Variants in AGBL4 observed in about 807,000 individuals in gnomAD.
AGBL4 encodes cytosolic carboxypeptidase 6.
AGBL4 carries 58 observed loss-of-function variants against 66.4 expected under a neutral mutation model. The ratio of observed to expected loss-of-function variants is 0.87; its 90% CI spans 0.71 to 1.09. The LOEUF is 1.09. Among genes scored for constraint, AGBL4 ranks in the 50% least tolerant of loss-of-function variants. AGBL4 has a pLI of 0.00. For synonymous variants in AGBL4, 234 were observed against 222.9 expected, an observed-to-expected ratio of 1.05 and a Z score of -0.44; for missense variants, 579 against 631.0, an observed-to-expected ratio of 0.92 and a Z score of 0.88.
At chr1:48,910,485 C>T (rs1652993495) in intron 5 of AGBL4, among the ~76,000 whole-genome samples, 1 of 152,020 alleles carries the variant, frequency 6.6e-6, no homozygotes, top group Non-Finnish European at 1.5e-5. Context: ...AAAGTCTTTC[C>T]ACATCACCCA....
intron 6 of AGBL4, among the ~76,000 whole-genome samples, chr1:48,729,736 T>C (rs1171595542): frequency 2.6e-5 from 4 of 152,148 alleles, no homozygotes; most frequent in Admixed American, 6.5e-5. Flanking sequence ...GCACCTGCTA[T>C]AAGCATTCTT....
At chr1:48,610,996 TCTC>T (rs1485506662) in intron 9 of AGBL4, among the ~76,000 whole-genome samples, 3 of 152,202 alleles carry the variant, frequency 2.0e-5, no homozygotes, top group Non-Finnish European at 4.4e-5. Flanking sequence ...TAATATTTAT[TCTC>T]CTCCCTGACT....
At chr1:49,600,836 C>T (rs142842999) in intron 3 of AGBL4, among the ~76,000 whole-genome samples, 1 of 152,268 alleles carries the variant, frequency 6.6e-6, no homozygotes, top group Non-Finnish European at 1.5e-5. Flanking sequence ...ATTTACTTGT[C>T]TGTAAAGGTT....
chr1:49,621,066 C>A (rs1645351311), intron 3 of AGBL4, among the ~76,000 whole-genome samples: 1 of 152,124 alleles, frequency 6.6e-6, no homozygotes, highest in Non-Finnish European at 1.5e-5. Context: ...TTGTCTATTC[C>A]CAAAGCACCC....
At chr1:49,966,624 C>T (rs1031240401) in intron 1 of AGBL4, among the ~76,000 whole-genome samples, 4 of 152,104 alleles carry the variant, frequency 2.6e-5, no homozygotes, top group African/African-American at 9.6e-5. Flanking sequence ...CTTAACTTTT[C>T]TGCTTGTCAG....
At chr1:48,763,188 G>A (rs925106048) in intron 6 of AGBL4, among the ~76,000 whole-genome samples, 1 of 152,148 alleles carries the variant, frequency 6.6e-6, no homozygotes, top group Non-Finnish European at 1.5e-5. Flanking sequence ...AAAAAAAGAG[G>A]TGGTCTTTGT....
intron 3 of AGBL4, among the ~76,000 whole-genome samples, chr1:49,581,581 T>A (rs1022755316): frequency 1.3e-5 from 2 of 152,206 alleles, no homozygotes; most frequent in Non-Finnish European, 2.9e-5. Flanking sequence ...TGGTGAAAAC[T>A]ACCTGGTTTT....
the AGBL4 span, among the ~76,000 whole-genome samples, chr1:48,523,766 A>G: frequency 6.6e-6 from 1 of 152,196 alleles, no homozygotes; most frequent in Non-Finnish European, 1.5e-5. Flanking sequence ...ATACGTTCTG[A>G]GAAATGCATT....
At chr1:48,629,641 G>A (rs1353675443) in intron 9 of AGBL4, among the ~76,000 whole-genome samples, 1 of 152,124 alleles carries the variant, frequency 6.6e-6, no homozygotes, top group Admixed American at 6.5e-5. Context: ...TCAGTGGGGG[G>A]TAAAATGGGG....
At chr1:49,897,182 T>C (rs542653835) in intron 1 of AGBL4, among the ~76,000 whole-genome samples, 14 of 152,002 alleles carry the variant, frequency 9.2e-5, no homozygotes, top group Non-Finnish European at 1.8e-4. Flanking sequence ...TTCTTGTTTG[T>C]AGATGATATA....
At chr1:48,694,899 T>C (rs895181765) in intron 6 of AGBL4, among the ~76,000 whole-genome samples, 1 of 152,122 alleles carries the variant, frequency 6.6e-6, no homozygotes, top group African/African-American at 2.4e-5. Flanking sequence ...ACAGCCCTCA[T>C]CCCACCATTT....
At chr1:49,443,223 G>T (rs1383563221) in intron 3 of AGBL4, among the ~76,000 whole-genome samples, 2 of 151,988 alleles carry the variant, frequency 1.3e-5, no homozygotes, top group African/African-American at 4.8e-5. Flanking sequence ...TCAGCAAGTT[G>T]TCTCTTCAAT....
intron 12 of AGBL4, among the ~76,000 whole-genome samples, chr1:48,538,770 G>T (rs532656891): frequency 1.3e-5 from 2 of 152,208 alleles, no homozygotes; most frequent in East Asian, 1.9e-4. Flanking sequence ...AGGGAGGAAG[G>T]TGCATCAGTG....
At chr1:49,550,947 T>G (rs1652903282) in intron 3 of AGBL4, among the ~76,000 whole-genome samples, 1 of 152,130 alleles carries the variant, frequency 6.6e-6, no homozygotes, top group South Asian at 2.1e-4. Flanking sequence ...TTCTTAGGTT[T>G]GGTCATTTAA....
At chr1:49,761,338 T>C (rs1479579197) in intron 2 of AGBL4, among the ~76,000 whole-genome samples, 1 of 152,110 alleles carries the variant, frequency 6.6e-6, no homozygotes, top group Non-Finnish European at 1.5e-5. Context: ...TTATAAGAGA[T>C]TCAATCTTAA....
At chr1:49,765,720 A>G (rs564567619) in intron 2 of AGBL4, among the ~76,000 whole-genome samples, 1 of 152,238 alleles carries the variant, frequency 6.6e-6, no homozygotes, top group Admixed American at 6.5e-5. Flanking sequence ...CAGAAAATGA[A>G]GGAAGAGAAA....
intron 1 of AGBL4, among the ~76,000 whole-genome samples, chr1:49,963,560 T>C (rs1553154080): frequency 6.6e-6 from 1 of 152,288 alleles, no homozygotes; most frequent in South Asian, 2.1e-4. Flanking sequence ...TATTCCAACA[T>C]AGGCCCACCT....
intron 6 of AGBL4, among the ~76,000 whole-genome samples, chr1:48,804,652 T>G (rs1393544974): frequency 6.6e-6 from 1 of 152,140 alleles, no homozygotes; most frequent in Admixed American, 6.6e-5. Flanking sequence ...GGTGGGCTAT[T>G]GAGCTGGGGA....
At chr1:49,839,507 A>C (rs1419900894) in intron 2 of AGBL4, among the ~76,000 whole-genome samples, 1 of 152,202 alleles carries the variant, frequency 6.6e-6, no homozygotes, top group Admixed American at 6.5e-5. Flanking sequence ...TTTCTATCAG[A>C]TCTCATGTTA....
Sources: gnomAD v4.1 joint callset for allele counts (sites outside exome capture counted in the v4.1 genomes callset) on GRCh38, gnomAD v4.1.1 for gene constraint, MANE v1.5 for transcripts, NCBI Gene and HGNC (gene_info 2026-07-23, HGNC 2026-07-21) for gene names.